The following PLCG2 variants were observed in gnomAD, a reference collection of about 807,000 sequenced individuals.
PLCG2 encodes the protein phospholipase C gamma 2, also known as 1-phosphatidylinositol 4,5-bisphosphate phosphodiesterase gamma-2.
In PLCG2, 69 loss-of-function variants were observed where a neutral mutation model predicts 175.6. The ratio of observed to expected loss-of-function variants is 0.39; its 90% CI spans 0.32 to 0.48. The LOEUF is 0.48. PLCG2 is among the 20% of genes least tolerant of loss of function. The pLI, the probability that PLCG2 is intolerant of heterozygous loss-of-function variation, is 0.91. For synonymous variants in PLCG2, 827 were observed against 624.0 expected (o/e 1.33, Z -4.85); for missense variants, 1,798 against 1,650.9 (o/e 1.09, Z -1.54).
intron 14 of PLCG2, among the ~76,000 whole-genome samples, chr16:81,902,743 A>G (rs576159982): frequency 6.6e-6 from 1 of 152,080 alleles, no homozygotes; most frequent in South Asian, 2.1e-4. Flanking sequence ...ATAAAGACAT[A>G]CCCAAGACTG....
At chr16:81,922,302 G>C (rs776485848) in intron 21 of PLCG2, among the ~76,000 whole-genome samples, 31 of 152,164 alleles carry the variant, frequency 2.0e-4, no homozygotes, top group Non-Finnish European at 2.9e-5. Flanking sequence ...TAAAACAGCT[G>C]GTCGATGTGG....
At chr16:81,815,933 G>T (rs1350220617) in intron 2 of PLCG2, among the ~76,000 whole-genome samples, 1 of 151,748 alleles carries the variant, frequency 6.6e-6, no homozygotes. Flanking sequence ...ATGGTGACTT[G>T]CGCCTGTAAT....
chr16:81,789,600 T>C (rs1675669516), intron 2 of PLCG2, among the ~76,000 whole-genome samples: 1 of 152,258 alleles, frequency 6.6e-6, no homozygotes, highest in Non-Finnish European at 1.5e-5. Flanking sequence ...CAATTCATTC[T>C]TTTATTTATC....
intron 2 of PLCG2, among the ~76,000 whole-genome samples, chr16:81,796,370 C>A (rs778466811): frequency 2.2e-4 from 34 of 152,220 alleles, no homozygotes; most frequent in Admixed American, 2.0e-4. Flanking sequence ...ATGGGCCATG[C>A]CTTTTAAAGC....
chr16:81,923,440 C>G (rs369529901), intron 21 of PLCG2, 45 bp from the exon 22 acceptor site: 40 of 1,268,194 alleles, frequency 3.2e-5, no homozygotes, highest in Middle Eastern at 3.7e-4. Context: ...CCTCCCTCCC[C>G]TCCTGTCCCT....
chr16:81,752,763 G>A (rs1255452931), intron 1 of PLCG2, among the ~76,000 whole-genome samples: 1 of 152,226 alleles, frequency 6.6e-6, no homozygotes, highest in Non-Finnish European at 1.5e-5. Flanking sequence ...GGGTGCCCAG[G>A]GAAGTGAGGG....
At chr16:81,754,247 A>G (rs1259346827) in intron 1 of PLCG2, among the ~76,000 whole-genome samples, 1 of 98,216 alleles carries the variant, frequency 1.0e-5, no homozygotes, top group South Asian at 3.5e-4. Flanking sequence ...ACCCATCCCC[A>G]CCTCCTTCCC....
At chr16:81,921,167 A>T in intron 20 of PLCG2, 31 bp from the exon 21 acceptor site, 1 of 1,335,968 alleles carries the variant, frequency 7.5e-7, no homozygotes, top group Non-Finnish European at 1.1e-6. Flanking sequence ...AGCATGGATT[A>T]TTCCATTTCT....
intron 2 of PLCG2, among the ~76,000 whole-genome samples, chr16:81,845,627 C>G (rs1906075315): frequency 6.6e-6 from 1 of 152,216 alleles, no homozygotes; most frequent in South Asian, 2.1e-4. Context: ...GAATCTTGTT[C>G]CCAGCCTCGG....
At chr16:81,861,353 T>A (rs936258801) in intron 5 of PLCG2, among the ~76,000 whole-genome samples, 1 of 152,248 alleles carries the variant, frequency 6.6e-6, no homozygotes, top group African/African-American at 2.4e-5. Context: ...TCGTGTCTGG[T>A]CAGTGTCCTC....
chr16:81,814,734 A>C (rs577980096), intron 2 of PLCG2, among the ~76,000 whole-genome samples: 1 of 152,120 alleles, frequency 6.6e-6, no homozygotes, highest in Admixed American at 6.5e-5. Context: ...CATGAAGCAC[A>C]GGCAGAATGG....
At chr16:81,880,673 T>A (rs1051434159) in intron 7 of PLCG2, among the ~76,000 whole-genome samples, 3 of 152,190 alleles carry the variant, frequency 2.0e-5, no homozygotes, top group Non-Finnish European at 1.5e-5. Flanking sequence ...ATGAAATGCT[T>A]AAGGGTGACT....
chr16:81,810,683 C>T (rs903148133), intron 2 of PLCG2, among the ~76,000 whole-genome samples: 4 of 151,640 alleles, frequency 2.6e-5, no homozygotes, highest in Non-Finnish European at 5.9e-5. Context: ...TTTAAAATGG[C>T]CCTGAGCAAA....
chr16:81,890,693 G>T (rs1425765093), intron 10 of PLCG2, among the ~76,000 whole-genome samples: 1 of 152,188 alleles, frequency 6.6e-6, no homozygotes, highest in Non-Finnish European at 1.5e-5. Flanking sequence ...TGACCCATAT[G>T]AGGTCGTTCT....
intron 2 of PLCG2, among the ~76,000 whole-genome samples, chr16:81,764,399 A>G (rs1238300068): frequency 1.3e-5 from 2 of 152,252 alleles, no homozygotes; most frequent in Admixed American, 1.3e-4. Context: ...ACGAATGTCA[A>G]TGTGACAGTG....
chr16:81,961,082 G>A lies in PLCG2; in HGVS notation c.*3084G>A. 4.3e-6 allele frequency: 1 copy of A among 231,594 alleles called. No individual in the cohort carries two copies. Among genetic ancestry groups the A allele is most frequent in the East Asian group, 6.1e-5 (1 of 16,322 alleles). 14.3% of individuals were successfully genotyped at this position (231,594 alleles called of 1,614,324 possible). A position where few individuals can be genotyped will look rare whatever the true frequency, so the allele number is the denominator to read the frequency against. On this transcript the variant is annotated 3_prime_UTR_variant, in exon 33 of 33. Coordinates refer to ENST00000564138, the MANE Select transcript of PLCG2 (RefSeq NM_002661.5). The stretch of plus-strand genomic sequence containing the variant: ...ATCTTTTTGCAAATGGATTTTCCAA[G>A]TTTTTCTGGTGGTTCCAAATTTTTT...
At chr16:81,833,575 G>T (rs1905361344) in intron 2 of PLCG2, among the ~76,000 whole-genome samples, 1 of 150,892 alleles carries the variant, frequency 6.6e-6, no homozygotes, top group South Asian at 2.1e-4. Flanking sequence ...TGTCACCCAG[G>T]CTGGAGTGCG....
In PLCG2 at chr16:81,956,768, T is replaced by C. The variant is rs1911585524; in HGVS notation, c.3644T>C (p.Phe1215Ser). ...RRQEELNNQL[F>S]LYDTHQNLRN... ...CAAGAAGAACTGAACAACCAGCTCT[T>C]TCTGTATGACACACACCAGAACTTG... Residue 1215 changes from phenylalanine to serine, a missense_variant, in exon 32 of 33, where the codon TTT (phenylalanine) becomes TCT (serine). Coordinates refer to ENST00000564138, the MANE Select transcript of PLCG2 (RefSeq NM_002661.5). 1 of 1,614,146 alleles carries C rather than the reference T, an allele frequency of 6.2e-7. No homozygotes were observed. Among genetic ancestry groups the C allele is most frequent in the African/African-American group, 1.3e-5 (1 of 75,036 alleles).
chr16:81,777,535 C>T (rs1391811252), upstream of PLCG2, among the ~76,000 whole-genome samples: 1 of 151,052 alleles, frequency 6.6e-6, no homozygotes, highest in Non-Finnish European at 1.5e-5. Flanking sequence ...TGGTTGATGT[C>T]ATAATGAGTC....
Sources: allele counts gnomAD v4.1 joint callset (sites outside exome capture counted in the v4.1 genomes callset), GRCh38; gene constraint gnomAD v4.1.1; transcripts MANE v1.5; gene names NCBI Gene and HGNC (gene_info 2026-07-23, HGNC 2026-07-21).